Variants in ACACB observed in about 807,000 individuals in gnomAD.
The protein encoded by ACACB is acetyl-CoA carboxylase 2.
In ACACB, 209 loss-of-function variants were observed where a neutral mutation model predicts 278.8. The ratio of observed to expected loss-of-function variants is 0.75; its 90% CI spans 0.67 to 0.84. The LOEUF (loss-of-function observed/expected upper bound fraction) is 0.84, where lower values mean the gene tolerates loss of function less well. Among genes scored for constraint, ACACB ranks in the 40% least tolerant of loss-of-function variants. The pLI, the probability that ACACB is intolerant of heterozygous loss-of-function variation, is 0.00. For missense variants in ACACB, 2,850 were observed against 3,269.0 expected (o/e 0.87, Z 3.13); for synonymous variants, 1,174 against 1,285.6 (o/e 0.91, Z 1.86).
rs1313790740 is a variant in ACACB, at chr12:109,139,991, T to C, written c.586T>C (p.Leu196=). The change falls in exon 2 of 53, where the codon TTG becomes CTG. Residue 196 remains leucine, a synonymous_variant. Transcript: ENST00000338432. The stretch of plus-strand genomic sequence containing the variant: ...TACCCGGAAGGGCAGCCGGGCCAGC[T>C]TGGGGGCCCTGTCCCTGGAGGCTTA... ...ESTRKGSRAS[L]GALSLEAYLT... is the part of the protein sequence containing the mutation. The C allele has an allele frequency of 1.2e-6, 2 of 1,612,894 alleles. No individual in the cohort carries two copies. Among genetic ancestry groups the C allele is most frequent in the South Asian group, 1.1e-5 (1 of 91,090 alleles).
chr12:109,121,784 C>T (rs1310485917), intron 1 of ACACB, among the ~76,000 whole-genome samples: 2 of 152,228 alleles, frequency 1.3e-5, no homozygotes, highest in Non-Finnish European at 2.9e-5. Flanking sequence ...GACCCTGACG[C>T]TTCTGTGTGC....
At chr12:109,165,877 A>C (rs2043879658) in intron 2 of ACACB, among the ~76,000 whole-genome samples, 1 of 152,210 alleles carries the variant, frequency 6.6e-6, no homozygotes, top group Admixed American at 6.5e-5. Context: ...GTTTAGGACT[A>C]TGGAGATGTG....
At chr12:109,194,144 T>A (rs1227904018) in intron 16 of ACACB, among the ~76,000 whole-genome samples, 1 of 152,154 alleles carries the variant, frequency 6.6e-6, no homozygotes, top group Non-Finnish European at 1.5e-5. Context: ...TGGTGATTTT[T>A]GGCTTGTGGA....
intron 19 of ACACB, among the ~76,000 whole-genome samples, chr12:109,203,709 T>C (rs1201031140): frequency 6.6e-6 from 1 of 152,258 alleles, no homozygotes; most frequent in African/African-American, 2.4e-5. Context: ...GTGTCTGTCA[T>C]GTGACCCTGA....
chr12:109,128,911 T>G (rs1203104340), intron 1 of ACACB, among the ~76,000 whole-genome samples: 2 of 152,048 alleles, frequency 1.3e-5, no homozygotes, highest in Non-Finnish European at 2.9e-5. Flanking sequence ...GTGCTGGAAT[T>G]ATAGGCATGA....
chr12:109,143,182 C>G (rs1309391643), intron 2 of ACACB, among the ~76,000 whole-genome samples: 1 of 152,062 alleles, frequency 6.6e-6, no homozygotes, highest in Non-Finnish European at 1.5e-5. Flanking sequence ...GAGGCTGAGG[C>G]TGGGCCTGAT....
At chr12:109,205,426 A>G (rs1345267422) in intron 19 of ACACB, among the ~76,000 whole-genome samples, 1 of 150,924 alleles carries the variant, frequency 6.6e-6, no homozygotes, top group Admixed American at 6.6e-5. Flanking sequence ...CTATGATCAG[A>G]TTGTGTAGGG....
rs2044209760 is a variant in ACACB, at chr12:109,174,215, C to T, written c.1201C>T (p.Pro401Ser). Residue 401 changes from proline to serine, a missense_variant, in exon 7 of 53, where the codon CCC becomes TCC. Physicochemically the swap from Pro to Ser is moderately conservative, Grantham distance 74. Around this residue, in one of 3 missense-constraint regions of ACACB, gnomAD observed 2,265 missense variants for 2,561.3 expected, o/e 0.88. Transcript: ENST00000338432. ...CCAGACGCTACAGGTCCCAACCCTG[C>T]CCTGGAGTGGAAGCGGTAAGGGACC... Reference protein sequence around the residue: ...VAQTLQVPTLPWSGSGLTVEW... With the variant: ...VAQTLQVPTLSWSGSGLTVEW... The T allele has an allele frequency of 6.2e-7, 1 of 1,612,228 alleles. No homozygotes were observed. Among genetic ancestry groups the T allele is most frequent in the African/African-American group, 1.3e-5 (1 of 75,040 alleles).
rs552675006 is a variant in ACACB at position 109,259,180 on chromosome 12, G to A, written c.6496+72G>A. ...CCCAGGACAGCACCCTCTGGGTGGT[G>A]ATGCTAATGTCCTAGTCTGTGCCCA... On this transcript the variant is annotated intron_variant, in intron 47 of 52. Transcript: ENST00000338432. 444 of 1,549,920 alleles carry A rather than the reference G, an allele frequency of 2.9e-4. 4 individuals carry two copies. In the African/African-American group the frequency reaches 4.4e-3, roughly 15 times the overall value.
Position 109,191,885 on chromosome 12 carries a change from G to A in ACACB, c.2334G>A (p.Gly778=). The change falls in exon 15 of 53, where the codon GGG becomes GGA. Residue 778 remains glycine, a synonymous_variant. Coordinates refer to ENST00000338432, the MANE Select transcript of ACACB (RefSeq NM_001093.4). ...KPDIMLGVVC[G]ALNVADAMFR... is the part of the protein sequence containing the mutation. ...ATATCATGCTTGGGGTGGTATGCGG[G>A]GCCTTGAACGTGGCCGATGCGATGT... 1 of 1,614,146 alleles carries A rather than the reference G, an allele frequency of 6.2e-7. No homozygotes were observed. Among genetic ancestry groups the A allele is most frequent in the Non-Finnish European group, 8.5e-7 (1 of 1,180,032 alleles).
rs751820616 is a variant in ACACB at position 109,191,960 on chromosome 12, G to T, written c.2399+10G>T. On this transcript the variant is annotated intron_variant, in intron 15 of 52. Transcript: ENST00000338432. The stretch of plus-strand genomic sequence containing the variant: ...TACACTCCCTGGAAAGGTAGGGGCT[G>T]TGGCAGTTCCCTTCTGCTTTTGTGA... The T allele has an allele frequency of 6.2e-7, 1 of 1,613,876 alleles. No individual in the cohort carries two copies.
At chr12:109,174,087 G>A in intron 6 of ACACB, 45 bp from the exon 7 acceptor site, 1 of 1,550,190 alleles carries the variant, frequency 6.5e-7, no homozygotes, top group South Asian at 1.2e-5. Context: ...CGAGGGTCTT[G>A]TGACTGACCG....
In ACACB at chr12:109,196,526, AC is replaced by A. The variant is rs569689324; in HGVS notation, c.2482-481del. The stretch of plus-strand genomic sequence containing the variant: ...TTTTATAAGGGCACTAATCTCTTTT[AC>A]AAGGGCCCCACCTTCATGATCTCAT... On this transcript the variant is annotated intron_variant, in intron 16 of 52. Transcript: ENST00000338432. Among the ~76,000 whole-genome samples, 534 of 152,284 alleles carry A rather than the reference AC, an allele frequency of 3.5e-3. 2 individuals carry two copies. The highest frequency in any genetic ancestry group is 0.01 in the Middle Eastern group (3 of 294).
intron 37 of ACACB, among the ~76,000 whole-genome samples, chr12:109,244,872 T>C (rs1256798941): frequency 1.3e-5 from 2 of 152,178 alleles, no homozygotes; most frequent in Non-Finnish European, 2.9e-5. Flanking sequence ...AATTTATCAA[T>C]ATGGATAAAT....
At chr12:109,214,091 CA>C (rs71079536) in intron 22 of ACACB, among the ~76,000 whole-genome samples, 5 of 125,330 alleles carry the variant, frequency 4.0e-5, no homozygotes, top group Non-Finnish European at 6.7e-5. Context: ...CCTGTCTCTA[CA>C]AAAAAAAAAG....
At position 109,245,857 on chromosome 12, in the gene ACACB, G is replaced by C; in HGVS notation, c.5301+109G>C. On this transcript the variant is annotated intron_variant, in intron 38 of 52. Coordinates refer to ENST00000338432, the MANE Select transcript of ACACB (RefSeq NM_001093.4). ...TAATCCCAGTGCTTTGGGAGGCCAA[G>C]GTGGGTGGATCACTTGAGGTCAGAA... 5 of 1,386,214 alleles carry C rather than the reference G, an allele frequency of 3.6e-6. No individual in the cohort carries two copies. The South Asian group carries it at 7.0e-5, about 19-fold the overall frequency. The allele number at this position is 1,386,214 out of a possible 1,614,324, so 85.9% of individuals were successfully genotyped here. A position where few individuals can be genotyped will look rare whatever the true frequency, so the allele number is the denominator to read the frequency against.
chr12:109,119,434 A>T (rs2042484675), intron 1 of ACACB, among the ~76,000 whole-genome samples: 2 of 151,950 alleles, frequency 1.3e-5, no homozygotes, highest in South Asian at 2.1e-4. Flanking sequence ...TACTAAAAAT[A>T]CAAAAATTAG....
At chr12:109,225,336 G>A (rs538726915) in intron 27 of ACACB, among the ~76,000 whole-genome samples, 1 of 152,296 alleles carries the variant, frequency 6.6e-6, no homozygotes, top group East Asian at 1.9e-4. Context: ...GTGTCAATTA[G>A]AGATTTTTCT....
At chr12:109,191,033 C>G (rs150014570) in intron 13 of ACACB, among the ~76,000 whole-genome samples, 2 of 152,288 alleles carry the variant, frequency 1.3e-5, no homozygotes, top group African/African-American at 4.8e-5. Context: ...ATGTGCATTA[C>G]ATGGATTGTC....
Sources: gnomAD v4.1 joint callset for allele counts (sites outside exome capture counted in the v4.1 genomes callset) on GRCh38, gnomAD v4.1.1 for gene constraint, gnomAD v4.1.1 regional missense constraint, MANE v1.5 for transcripts, NCBI Gene and HGNC (gene_info 2026-07-23, HGNC 2026-07-21) for gene names.